TRPM2: variants seen among roughly 807,000 people sequenced by gnomAD.
The protein encoded by TRPM2 is transient receptor potential cation channel subfamily M member 2.
TRPM2 carries 161 observed loss-of-function variants against 174.0 expected under a neutral mutation model. The observed-to-expected ratio is 0.93, with a 90% CI of 0.81 to 1.05. The LOEUF is 1.05. Ranked by LOEUF, TRPM2 falls within the 50% of genes least tolerant of loss-of-function variation. The pLI is 0.00. For synonymous variants in TRPM2, 954 were observed against 861.3 expected (o/e 1.11, Z -1.88); for missense variants, 2,057 against 2,038.0 (o/e 1.01, Z -0.18).
chr21:44,438,944 T>C lies in TRPM2; in HGVS notation c.4168-123T>C. ...ACTGCAGCCTGAGATGCCGCCTGCCTGTGGCTCCCAGGGCTGGGCCGCTGC... is the reference window on the plus strand; with the variant it reads ...ACTGCAGCCTGAGATGCCGCCTGCCCGTGGCTCCCAGGGCTGGGCCGCTGC... On this transcript the variant is annotated intron_variant, in intron 29 of 31. Coordinates refer to ENST00000397928, the MANE Select transcript of TRPM2 (RefSeq NM_003307.4). The surrounding 1 kb of genome is among the most constrained non-coding windows in gnomAD (Gnocchi z 5.9). 2 of 691,774 alleles carry C rather than the reference T, an allele frequency of 2.9e-6. No homozygotes were observed. Among genetic ancestry groups the C allele is most frequent in the South Asian group, 3.5e-5 (2 of 57,108 alleles). 42.9% of individuals were successfully genotyped at this position (691,774 alleles called of 1,614,324 possible).
rs141804660 is a variant in TRPM2, at chr21:44,406,606, T to G, written c.2803T>G (p.Phe935Val). The G allele has an allele frequency of 1.3e-5, 21 of 1,609,212 alleles. No homozygotes were observed. The highest frequency in any genetic ancestry group is 8.0e-5 in the African/African-American group (6 of 74,802). Residue 935 changes from phenylalanine to valine, a missense_variant, in exon 19 of 32, where the codon TTC (phenylalanine) becomes GTC (valine). Coordinates refer to ENST00000397928, the MANE Select transcript of TRPM2 (RefSeq NM_003307.4). ...IIVKRMMKDV[F>V]FFLFLLAVWV... The stretch of plus-strand genomic sequence containing the variant: ...CTCTGTCCTGCAGATGAAGGACGTC[T>G]TCTTCTTCCTCTTCCTGCTGGCTGT...
chr21:44,413,906 C>A lies in TRPM2; in HGVS notation c.2978C>A (p.Pro993Gln). ...CCAACGCCAGGTGTGAACTTCAACC[C>A]GGAGCACTGCAGCCCCAATGGCACC... ...PGYIDGVNFN[P>Q]EHCSPNGTDP... The change falls in exon 20 of 32, where the codon CCG becomes CAG. Residue 993 changes from proline (P) to glutamine (Q), a missense_variant. Pro to Gln is a moderately conservative substitution (Grantham distance 76, BLOSUM62 -1). Coordinates refer to ENST00000397928, the MANE Select transcript of TRPM2 (RefSeq NM_003307.4). 1 of 1,612,644 alleles carries A rather than the reference C, an allele frequency of 6.2e-7. No individual in the cohort carries two copies. Among genetic ancestry groups the A allele is most frequent in the Non-Finnish European group, 8.5e-7 (1 of 1,178,900 alleles).
Position 44,419,727 on chromosome 21 carries a change from AGTG to A in TRPM2, c.3461+1179_3461+1181del, listed in dbSNP as rs2050461130. ...TGGTGGTGATGGTGGTGGTGATGGT[AGTG>A]GTGGTGATGTTGATGGTGATGATGG... On this transcript the variant is annotated intron_variant, in intron 22 of 31. Coordinates refer to ENST00000397928, the MANE Select transcript of TRPM2 (RefSeq NM_003307.4). Among the ~76,000 whole-genome samples the A allele has an allele frequency of 3.5e-5, 4 of 113,632 alleles. No individual in the cohort carries two copies. In the South Asian group the frequency reaches 1.2e-3, roughly 34 times the overall value. 74.5% of individuals were successfully genotyped at this position (113,632 alleles called of 152,430 possible). A position where few individuals can be genotyped will look rare whatever the true frequency, so the allele number is the denominator to read the frequency against.
At chr21:44,426,805 G>GA (rs2050801795) in intron 26 of TRPM2, 69 bp downstream of exon 26, 2 of 1,583,194 alleles carry the variant, frequency 1.3e-6, no homozygotes, top group African/African-American at 2.7e-5. Flanking sequence ...GCTCCCTTGA[G>GA]AATCCCAGTC....
At chr21:44,406,531 C>T in intron 18 of TRPM2, 63 bp from the exon 19 acceptor site, 1 of 1,531,724 alleles carries the variant, frequency 6.5e-7, no homozygotes, top group South Asian at 1.2e-5. Flanking sequence ...GCTGGGCCTG[C>T]CTCTGGGCCC....
chr21:44,368,341 A>G (rs1230421762), intron 4 of TRPM2, among the ~76,000 whole-genome samples: 1 of 152,074 alleles, frequency 6.6e-6, no homozygotes, highest in Non-Finnish European at 1.5e-5. Flanking sequence ...TCCTGGGCTC[A>G]AGTAATCTTC....
At position 44,411,768 on chromosome 21, in the gene TRPM2, C is replaced by T. The variant is rs45617540; in HGVS notation, c.2963-2123C>T. ...TCCTTTATCAGGTTGAAGAAGTTCC[C>T]TTCTATTCCTAGTTTCTTGAGTGTT... On this transcript the variant is annotated intron_variant, in intron 19 of 31. Transcript: ENST00000397928. Among the ~76,000 whole-genome samples, 1,219 of 152,242 alleles carry T rather than the reference C, an allele frequency of 8.0e-3. 12 individuals are homozygous for T. Among genetic ancestry groups the T allele is most frequent in the African/African-American group, 0.026 (1,073 of 41,540 alleles).
At chr21:44,368,432 GT>G (rs1053919350) in intron 4 of TRPM2, among the ~76,000 whole-genome samples, 11 of 139,472 alleles carry the variant, frequency 7.9e-5, no homozygotes, top group African/African-American at 7.9e-5. Flanking sequence ...TTATTTTTTT[GT>G]TTTTTTTTTG....
Position 44,418,472 on chromosome 21 carries a change from C to T in TRPM2, c.3378C>T (p.Ile1126=). The part of the protein sequence containing the change: ...NEEAALLSWE[I]YLKENYLQNR... ...AGGCGGCCCTGCTATCCTGGGAGAT[C>T]TACCTGAAGGAGAACTACCTCCAGA... is the stretch of plus-strand genomic sequence containing the variant. The change falls in exon 22 of 32, where the codon ATC becomes ATT. Residue 1126 remains isoleucine (I), a synonymous_variant. Coordinates refer to ENST00000397928, the MANE Select transcript of TRPM2 (RefSeq NM_003307.4). 1 of 1,614,140 alleles carries T rather than the reference C, an allele frequency of 6.2e-7. No individual in the cohort carries two copies. Among genetic ancestry groups the T allele is most frequent in the Non-Finnish European group, 8.5e-7 (1 of 1,180,024 alleles).
Position 44,439,074 on chromosome 21 carries a change from G to A in TRPM2, c.4175G>A (p.Arg1392Gln), listed in dbSNP as rs2051389633. ...CGTCCTCTGTCTGTCCAGGGCTCCC[G>A]GGAGCCAGGGGAGATGCTACCTCGG... ...SEHWALPGGS[R>Q]EPGEMLPRKL... The change falls in exon 30 of 32, where the codon CGG (arginine) becomes CAG (glutamine). Residue 1392 changes from arginine (R) to glutamine (Q), a missense_variant. Coordinates refer to ENST00000397928, the MANE Select transcript of TRPM2 (RefSeq NM_003307.4). The surrounding 1 kb of genome is among the most constrained non-coding windows in gnomAD (Gnocchi z 5.1). 3.7e-6 allele frequency: 6 copies of A among 1,612,580 alleles called. No individual in the cohort carries two copies. Among genetic ancestry groups the A allele is most frequent in the South Asian group, 1.1e-5 (1 of 91,026 alleles).
At chr21:44,356,673 C>A (rs1394143983) in intron 2 of TRPM2, among the ~76,000 whole-genome samples, 1 of 151,884 alleles carries the variant, frequency 6.6e-6, no homozygotes, top group Non-Finnish European at 1.5e-5. Flanking sequence ...GAACTCCTGA[C>A]CTCAGGTGAT....
intron 19 of TRPM2, among the ~76,000 whole-genome samples, chr21:44,407,969 CT>C (rs1007687878): frequency 1.3e-5 from 2 of 150,450 alleles, no homozygotes; most frequent in Non-Finnish European, 3.0e-5. Flanking sequence ...GCTCTGTTTT[CT>C]TTTTCCCGAG....
At chr21:44,397,329 A>G (rs1785468) in intron 12 of TRPM2, among the ~76,000 whole-genome samples, 118,764 of 152,072 alleles carry the variant, frequency 0.78, 46,504 homozygotes, top group African/African-American at 0.83. Context: ...AAGCCACTGC[A>G]TCCGGCCCAG....
Position 44,402,007 on chromosome 21 carries a change from C to T in TRPM2, c.2538+110C>T, listed in dbSNP as rs1601159360. ...CACCCCATCTAGCCTGCCCAGCTCC[C>T]TGCAAGCTGAGCAGAGCCGGTGTTT... is the stretch of plus-strand genomic sequence containing the variant. On this transcript the variant is annotated intron_variant, in intron 16 of 31. Coordinates refer to ENST00000397928, the MANE Select transcript of TRPM2 (RefSeq NM_003307.4). 2.4e-6 allele frequency: 3 copies of T among 1,274,352 alleles called. No individual in the cohort carries two copies. The East Asian group carries it at 7.0e-5, about 30-fold the overall frequency. The allele number at this position is 1,274,352 out of a possible 1,614,324, so 78.9% of individuals were successfully genotyped here. A position where few individuals can be genotyped will look rare whatever the true frequency, so the allele number is the denominator to read the frequency against.
chr21:44,396,961 T>C (rs80166464), intron 12 of TRPM2, among the ~76,000 whole-genome samples: 1 of 129,322 alleles, frequency 7.7e-6, no homozygotes. Context: ...CTGTGGAGGG[T>C]TGTGGGCGTC....
At chr21:44,389,191 C>G (rs903966786) in intron 9 of TRPM2, among the ~76,000 whole-genome samples, 2 of 152,194 alleles carry the variant, frequency 1.3e-5, no homozygotes, top group African/African-American at 4.8e-5. Flanking sequence ...TGCATTCTTT[C>G]ATGTCTTGTT....
At position 44,424,780 on chromosome 21, in the gene TRPM2, C is replaced by T. The variant is rs2050688433; in HGVS notation, c.3550-72C>T. 8 of 986,282 alleles carry T rather than the reference C, an allele frequency of 8.1e-6. 1 individual carries two copies. Among genetic ancestry groups the T allele is most frequent in the Middle Eastern group, 2.6e-4 (1 of 3,840 alleles). 61.1% of individuals were successfully genotyped at this position (986,282 alleles called of 1,614,324 possible). A position where few individuals can be genotyped will look rare whatever the true frequency, so the allele number is the denominator to read the frequency against. Reference sequence around the variant, plus strand: ...GCTCCTGGCTGGGGGAGTGAAGTCTCGGTGGGCAGTGGGGTGTGTACCATG... The same window carrying T: ...GCTCCTGGCTGGGGGAGTGAAGTCTTGGTGGGCAGTGGGGTGTGTACCATG... On this transcript the variant is annotated intron_variant, in intron 23 of 31. Coordinates refer to ENST00000397928, the MANE Select transcript of TRPM2 (RefSeq NM_003307.4).
At position 44,401,756 on chromosome 21, in the gene TRPM2, C is replaced by T. The variant is rs200697087; in HGVS notation, c.2397C>T (p.Phe799=). The change falls in exon 16 of 32, where the codon TTC becomes TTT. Residue 799 remains phenylalanine, a synonymous_variant. Transcript: ENST00000397928. ...TCTTCACCGCACCCGTGGTGGTCTT[C>T]CACCTGAACATCCTCTCCTACTTCG... ...RAFFTAPVVV[F]HLNILSYFAF... 131 of 1,613,556 alleles carry T rather than the reference C, an allele frequency of 8.1e-5. No individual in the cohort carries two copies. Among genetic ancestry groups the T allele is most frequent in the Middle Eastern group, 4.9e-4 (3 of 6,084 alleles).
At chr21:44,429,278 C>CTTTTTTTTTTTTTTTTTTTT (rs35708355) in intron 27 of TRPM2, among the ~76,000 whole-genome samples, 1 of 44,196 alleles carries the variant, frequency 2.3e-5, no homozygotes, top group Non-Finnish European at 4.1e-5. Context: ...TTTTCTTTTT[C>CTTTTTTTTTTTTTTTTTTTT]TTTTTTTTTT....
Sources: gnomAD v4.1 joint callset for allele counts (sites outside exome capture counted in the v4.1 genomes callset) on GRCh38, gnomAD v4.1.1 for gene constraint, Gnocchi (gnomAD v3.1) non-coding constraint, MANE v1.5 for transcripts, NCBI Gene and HGNC (gene_info 2026-07-23, HGNC 2026-07-21) for gene names.